Variants in MME observed in about 807,000 individuals in gnomAD.
MME encodes neprilysin.
In MME, 98 loss-of-function variants were observed where a neutral mutation model predicts 113.2. The ratio of observed to expected loss-of-function variants is 0.87; its 90% CI spans 0.74 to 1.02. MME has a LOEUF of 1.02. Among genes scored for constraint, MME ranks in the 50% least tolerant of loss-of-function variants. MME has a pLI of 0.00. For synonymous variants in MME, 292 were observed against 300.6 expected (o/e 0.97, Z 0.30); for missense variants, 836 against 896.0 (o/e 0.93, Z 0.86).
At chr3:155,172,700 CT>C in intron 22 of MME, 88 bp downstream of exon 22, 2 of 894,806 alleles carry the variant, frequency 2.2e-6, no homozygotes, top group Non-Finnish European at 1.8e-6. Flanking sequence ...AACTCTGATT[CT>C]TTTACATTTG....
At chr3:155,038,263 G>T (rs1713191530) in intron 1 of MME, among the ~76,000 whole-genome samples, 1 of 152,028 alleles carries the variant, frequency 6.6e-6, no homozygotes, top group Admixed American at 6.6e-5. Flanking sequence ...TGAGAGCTTA[G>T]GCCATGGCAG....
chr3:155,112,060 C>T (rs902294391), intron 3 of MME, among the ~76,000 whole-genome samples: 1 of 151,904 alleles, frequency 6.6e-6, no homozygotes, highest in African/African-American at 2.4e-5. Context: ...TTTTTTAGAT[C>T]AGTTTCCTAG....
At chr3:155,177,782 A>T (rs1354403235) in intron 22 of MME, among the ~76,000 whole-genome samples, 2 of 152,140 alleles carry the variant, frequency 1.3e-5, no homozygotes, top group African/African-American at 4.8e-5. Flanking sequence ...CTAGGAGATG[A>T]GCCATTTACT....
At chr3:155,070,219 T>C (rs528341875) in intron 1 of MME, among the ~76,000 whole-genome samples, 1 of 152,370 alleles carries the variant, frequency 6.6e-6, no homozygotes, top group South Asian at 2.1e-4. Context: ...TTAAAATTTA[T>C]GGTGCATTAA....
intron 12 of MME, among the ~76,000 whole-genome samples, chr3:155,142,853 A>G (rs1361958753): frequency 1.3e-5 from 2 of 152,238 alleles, no homozygotes; most frequent in African/African-American, 4.8e-5. Flanking sequence ...GAGGAAGGAG[A>G]GACTCCAGCA....
intron 3 of MME, among the ~76,000 whole-genome samples, chr3:155,101,662 C>T (rs530103072): frequency 2.0e-5 from 3 of 152,260 alleles, no homozygotes; most frequent in East Asian, 1.9e-4. Context: ...TGCCAGACCA[C>T]GGAGAACTGA....
intron 14 of MME, among the ~76,000 whole-genome samples, chr3:155,146,621 T>C (rs561237360): frequency 6.6e-6 from 1 of 152,224 alleles, no homozygotes; most frequent in East Asian, 1.9e-4. Context: ...TTAATGTCAT[T>C]TATTGAACTT....
chr3:155,071,139 T>C (rs557066121), intron 1 of MME, among the ~76,000 whole-genome samples: 88 of 152,306 alleles, frequency 5.8e-4, no homozygotes, highest in African/African-American at 2.0e-3. Context: ...TCCACACAAG[T>C]TGTGCTGTGA....
At chr3:155,123,654 A>G (rs1287878244) in intron 8 of MME, among the ~76,000 whole-genome samples, 1 of 51,138 alleles carries the variant, frequency 2.0e-5, no homozygotes, top group Non-Finnish European at 4.2e-5. Flanking sequence ...TCTGTAAAGT[A>G]TTTTATTTCT....
chr3:155,160,547 T>G (rs1489569677), intron 17 of MME, 99 bp downstream of exon 17: 1 of 806,922 alleles, frequency 1.2e-6, no homozygotes, highest in South Asian at 1.4e-5. Flanking sequence ...CAAGCACAGC[T>G]GAGGCTGAGT....
At chr3:155,143,627 A>G (rs1330241631) in intron 13 of MME, 56 bp downstream of exon 13, 24 of 1,589,226 alleles carry the variant, frequency 1.5e-5, no homozygotes, top group Middle Eastern at 1.7e-4. Flanking sequence ...CAGTTTGTTC[A>G]CACTGATGAG....
chr3:155,062,688 T>G (rs1014694294), intron 1 of MME, among the ~76,000 whole-genome samples: 22 of 152,228 alleles, frequency 1.4e-4, no homozygotes, highest in African/African-American at 4.6e-4. Flanking sequence ...TATTTTAAAA[T>G]AATTATGTTT....
At chr3:155,156,289 T>C (rs1353681817) in intron 16 of MME, among the ~76,000 whole-genome samples, 1 of 152,158 alleles carries the variant, frequency 6.6e-6, no homozygotes, top group East Asian at 1.9e-4. Flanking sequence ...TGCATGGTTG[T>C]GTTCTACGTT....
intron 1 of MME, chr3:155,081,764 A>G (rs532410119): frequency 8.5e-5 from 13 of 152,298 alleles, no homozygotes; most frequent in Admixed American, 7.8e-4. Context: ...GATGTCTTAA[A>G]GAAAAATTGT....
intron 1 of MME, among the ~76,000 whole-genome samples, chr3:155,046,004 G>C (rs1713544486): frequency 6.6e-6 from 1 of 152,052 alleles, no homozygotes; most frequent in African/African-American, 2.4e-5. Context: ...AGCTTCTACA[G>C]TCTATAAGTT....
At chr3:155,111,429 A>T (rs906381422) in intron 3 of MME, among the ~76,000 whole-genome samples, 1 of 152,200 alleles carries the variant, frequency 6.6e-6, no homozygotes, top group Non-Finnish European at 1.5e-5. Flanking sequence ...GGAGTTAGCA[A>T]AGTTGCCTCT....
At chr3:155,042,913 T>G (rs1451163289) in intron 1 of MME, among the ~76,000 whole-genome samples, 1 of 43,662 alleles carries the variant, frequency 2.3e-5, no homozygotes, top group South Asian at 8.9e-4. Flanking sequence ...TATATATATA[T>G]ATATATATAT....
At chr3:155,153,907 C>A (rs1002135879) in intron 16 of MME, among the ~76,000 whole-genome samples, 4 of 152,090 alleles carry the variant, frequency 2.6e-5, no homozygotes, top group Admixed American at 2.0e-4. Context: ...TCTTAAGGGG[C>A]AGATGATTAA....
intron 17 of MME, 40 bp downstream of exon 17, chr3:155,160,488 T>G: frequency 7.2e-7 from 1 of 1,390,772 alleles, no homozygotes; most frequent in Admixed American, 1.7e-5. Context: ...TATTTCTCTA[T>G]CGTTCCCAAC....
Sources: gnomAD v4.1 joint callset for allele counts (sites outside exome capture counted in the v4.1 genomes callset) on GRCh38, gnomAD v4.1.1 for gene constraint, MANE v1.5 for transcripts, NCBI Gene and HGNC (gene_info 2026-07-23, HGNC 2026-07-21) for gene names.